FCHSD2: variants seen among roughly 807,000 people sequenced by gnomAD.
FCHSD2 encodes FCH and double SH3 domains 2, also known as F-BAR and double SH3 domains protein 2.
In FCHSD2, 38 loss-of-function variants were observed where a neutral mutation model predicts 108.1. The observed-to-expected ratio is 0.35, with a 90% CI of 0.27 to 0.46. The LOEUF is 0.46. Ranked by LOEUF, FCHSD2 falls within the 20% of genes least tolerant of loss-of-function variation. The probability of loss-of-function intolerance (pLI) is 1.00; values close to 1 mark genes in which losing one functional copy is unlikely to be tolerated. For missense variants in FCHSD2, 751 were observed against 897.8 expected, an observed-to-expected ratio of 0.84 and a Z score of 2.09; for synonymous variants, 279 against 314.7, an observed-to-expected ratio of 0.89 and a Z score of 1.20.
chr11:73,102,577 T>A (rs1409873594), intron 2 of FCHSD2, among the ~76,000 whole-genome samples: 1 of 152,236 alleles, frequency 6.6e-6, no homozygotes, highest in Non-Finnish European at 1.5e-5. Context: ...CATGTTGAAG[T>A]TTAATTGCCA....
intron 2 of FCHSD2, among the ~76,000 whole-genome samples, chr11:73,125,431 G>A (rs1860830213): frequency 1.7e-5 from 1 of 57,264 alleles, no homozygotes; most frequent in African/African-American, 7.5e-5. Context: ...TAGATCGAGT[G>A]TGGTGGCTCA....
At chr11:73,140,533 A>G (rs1459910956) in intron 1 of FCHSD2, among the ~76,000 whole-genome samples, 1 of 152,210 alleles carries the variant, frequency 6.6e-6, no homozygotes, top group Non-Finnish European at 1.5e-5. Flanking sequence ...GGAGCCTAAG[A>G]GTGCCTGATA....
intron 9 of FCHSD2, among the ~76,000 whole-genome samples, chr11:72,918,043 T>C (rs750193747): frequency 1.3e-5 from 2 of 152,236 alleles, no homozygotes; most frequent in Non-Finnish European, 2.9e-5. Context: ...ACATTTATTA[T>C]ATGCATTTAT....
chr11:72,951,403 G>C (rs1481887140), intron 8 of FCHSD2, among the ~76,000 whole-genome samples: 2 of 152,154 alleles, frequency 1.3e-5, no homozygotes, highest in African/African-American at 4.8e-5. Context: ...CAGCAAACGA[G>C]AGCGACAGAT....
At chr11:72,858,337 A>G (rs1861479782) in intron 13 of FCHSD2, among the ~76,000 whole-genome samples, 1 of 152,262 alleles carries the variant, frequency 6.6e-6, no homozygotes, top group Non-Finnish European at 1.5e-5. Flanking sequence ...TTGCAGCACT[A>G]TTCACAATAG....
At chr11:72,895,516 TATA>T (rs762093807) in intron 10 of FCHSD2, among the ~76,000 whole-genome samples, 1 of 152,170 alleles carries the variant, frequency 6.6e-6, no homozygotes, top group Non-Finnish European at 1.5e-5. Context: ...CTTTAAGAGC[TATA>T]ATCACAAGCT....
intron 13 of FCHSD2, among the ~76,000 whole-genome samples, chr11:72,855,376 TGAGGCAG>T (rs1428831193): frequency 6.6e-6 from 1 of 152,116 alleles, no homozygotes; most frequent in Non-Finnish European, 1.5e-5. Context: ...CTCAGGAGGC[TGAGGCAG>T]GAGAATCACT....
intron 3 of FCHSD2, among the ~76,000 whole-genome samples, chr11:73,019,536 T>A (rs1311805983): frequency 6.6e-6 from 1 of 152,174 alleles, no homozygotes; most frequent in Admixed American, 6.5e-5. Flanking sequence ...ACCACAAAGC[T>A]AAACTGTATT....
intron 9 of FCHSD2, among the ~76,000 whole-genome samples, chr11:72,907,649 G>A (rs983738140): frequency 8.6e-6 from 1 of 116,850 alleles, no homozygotes; most frequent in South Asian, 3.1e-4. Context: ...TTGTCTCCCA[G>A]GCACGATCTT....
intron 3 of FCHSD2, among the ~76,000 whole-genome samples, chr11:73,075,629 A>G (rs1275854151): frequency 1.3e-5 from 2 of 152,168 alleles, no homozygotes; most frequent in African/African-American, 4.8e-5. Context: ...CAGCCTGACC[A>G]ACATAGCAAA....
chr11:73,058,747 T>C (rs918747508), intron 3 of FCHSD2, among the ~76,000 whole-genome samples: 1 of 152,000 alleles, frequency 6.6e-6, no homozygotes, highest in African/African-American at 2.4e-5. Context: ...TTTGAATTTT[T>C]AGTCGAGATG....
At chr11:72,927,887 T>G (rs554246989) in intron 8 of FCHSD2, among the ~76,000 whole-genome samples, 2 of 152,244 alleles carry the variant, frequency 1.3e-5, no homozygotes, top group Non-Finnish European at 2.9e-5. Flanking sequence ...CTACTTTAGA[T>G]GCAAGACAGG....
At chr11:72,850,661 G>T (rs1204273077) in intron 13 of FCHSD2, among the ~76,000 whole-genome samples, 1 of 152,062 alleles carries the variant, frequency 6.6e-6, no homozygotes, top group Non-Finnish European at 1.5e-5. Flanking sequence ...CCAGGACAGA[G>T]ATTTTTTTTA....
intron 3 of FCHSD2, among the ~76,000 whole-genome samples, chr11:73,051,854 T>G (rs1858904704): frequency 6.9e-6 from 1 of 145,126 alleles, no homozygotes; most frequent in Non-Finnish European, 1.5e-5. Context: ...TTCAGGATGC[T>G]AACACGGTAT....
At chr11:73,060,652 G>C (rs1188310812) in intron 3 of FCHSD2, among the ~76,000 whole-genome samples, 3 of 152,060 alleles carry the variant, frequency 2.0e-5, no homozygotes, top group Non-Finnish European at 4.4e-5. Context: ...AAACACTTAT[G>C]AATGAGAGAT....
chr11:73,097,051 G>A (rs1860103721), intron 2 of FCHSD2, among the ~76,000 whole-genome samples: 1 of 115,656 alleles, frequency 8.6e-6, no homozygotes, highest in Admixed American at 1.2e-4. Context: ...CATCCAAGCT[G>A]GAGTATAGTG....
At chr11:72,881,362 C>T (rs975533904) in intron 12 of FCHSD2, among the ~76,000 whole-genome samples, 1 of 152,134 alleles carries the variant, frequency 6.6e-6, no homozygotes, top group Non-Finnish European at 1.5e-5. Context: ...GTTAGAATCA[C>T]TATTTATCAA....
At chr11:72,847,929 T>A (rs1052688044) in intron 14 of FCHSD2, among the ~76,000 whole-genome samples, 5 of 152,170 alleles carry the variant, frequency 3.3e-5, no homozygotes, top group African/African-American at 1.2e-4. Context: ...CTAACCTCAG[T>A]GATCCACCTG....
chr11:72,838,748 G>T lies in FCHSD2; in HGVS notation c.*43C>A. The T allele has an allele frequency of 6.6e-7, 1 of 1,519,938 alleles. No individual in the cohort carries two copies. Among genetic ancestry groups the T allele is most frequent in the Non-Finnish European group, 9.0e-7 (1 of 1,114,258 alleles). The allele number at this position is 1,519,938 out of a possible 1,614,324, so 94.2% of individuals were successfully genotyped here. On this transcript the variant is annotated 3_prime_UTR_variant, in exon 20 of 20. Transcript: ENST00000409418. ...AAAAACAAGACTGGCCAAACTCCAA[G>T]CCTGGCCTTGATTGTAGCAGTAATG...
Sources: gnomAD v4.1 joint callset for allele counts (sites outside exome capture counted in the v4.1 genomes callset) on GRCh38, gnomAD v4.1.1 for gene constraint, MANE v1.5 for transcripts, NCBI Gene and HGNC (gene_info 2026-07-23, HGNC 2026-07-21) for gene names.